Variants in VEPH1 observed in about 807,000 individuals in gnomAD.
The protein encoded by VEPH1 is ventricular zone expressed PH domain containing 1, also known as ventricular zone-expressed PH domain-containing protein homolog 1.
VEPH1 carries 80 observed loss-of-function variants against 85.2 expected under a neutral mutation model. That is an observed-to-expected ratio of 0.94 (90% CI 0.78 to 1.13). The LOEUF (loss-of-function observed/expected upper bound fraction) is 1.13, where lower values mean the gene tolerates loss of function less well. Ranked by LOEUF, VEPH1 falls within the 50% of genes most tolerant of loss-of-function variation. The pLI is 0.00. For missense variants in VEPH1, 955 were observed against 980.5 expected (o/e 0.97, Z 0.35); for synonymous variants, 297 against 348.0 (o/e 0.85, Z 1.63).
intron 6 of VEPH1, among the ~76,000 whole-genome samples, chr3:157,390,584 T>C (rs940453888): frequency 2.0e-5 from 3 of 152,228 alleles, no homozygotes; most frequent in African/African-American, 7.2e-5. Flanking sequence ...CTCAGCCATT[T>C]GGAAATAGCA....
intron 9 of VEPH1, among the ~76,000 whole-genome samples, chr3:157,348,145 C>T (rs1724447785): frequency 6.6e-6 from 1 of 152,164 alleles, no homozygotes; most frequent in African/African-American, 2.4e-5. Flanking sequence ...GTGTGGCAAT[C>T]CCGTTCATGG....
At chr3:157,426,494 AT>A (rs1197541483) in intron 5 of VEPH1, among the ~76,000 whole-genome samples, 1 of 152,136 alleles carries the variant, frequency 6.6e-6, no homozygotes, top group Non-Finnish European at 1.5e-5. Context: ...ACCTCATCTG[AT>A]TTTTTCCCAT....
chr3:157,277,077 T>G (rs10936076), intron 12 of VEPH1, among the ~76,000 whole-genome samples: 95,105 of 151,798 alleles, frequency 0.63, 29,996 homozygotes, highest in Admixed American at 0.68. Flanking sequence ...TTTTCGTAGA[T>G]ATGGGGTTAT....
At chr3:157,303,845 C>G (rs1345544221) in intron 11 of VEPH1, among the ~76,000 whole-genome samples, 2 of 151,822 alleles carry the variant, frequency 1.3e-5, no homozygotes, top group African/African-American at 4.8e-5. Context: ...AGCCTGAAAG[C>G]CTAGAATCCT....
At chr3:157,422,100 G>A (rs1458109763) in intron 5 of VEPH1, among the ~76,000 whole-genome samples, 5 of 152,118 alleles carry the variant, frequency 3.3e-5, no homozygotes, top group African/African-American at 1.2e-4. Flanking sequence ...AGTGTGTTGA[G>A]GTCAAAAGAT....
intron 12 of VEPH1, among the ~76,000 whole-genome samples, chr3:157,283,066 C>T (rs6803886): frequency 0.23 from 35,490 of 152,102 alleles, 4,284 homozygotes; most frequent in Non-Finnish European, 0.27. Context: ...ATAATAAAGT[C>T]TCTGTTCTTC....
chr3:157,360,049 T>TA lies in VEPH1; in HGVS notation c.1735+3314dup, dbSNP rs200255654. On this transcript the variant is annotated intron_variant, in intron 9 of 13. Coordinates refer to ENST00000362010, the MANE Select transcript of VEPH1 (RefSeq NM_001167912.2). Reference sequence around the variant, plus strand: ...AAAGATCAAATATGTTGCATTTATATAAAAAACACATCAAACATAACACAA... The same window carrying TA: ...AAAGATCAAATATGTTGCATTTATATAAAAAAACACATCAAACATAACACAA... Among the ~76,000 whole-genome samples the TA allele has an allele frequency of 2.8e-3, 431 of 152,300 alleles. 5 individuals are homozygous for TA. In the East Asian group the frequency reaches 0.043, roughly 15 times the overall value.
chr3:157,293,742 G>A (rs1434507531), intron 11 of VEPH1, among the ~76,000 whole-genome samples: 4 of 152,126 alleles, frequency 2.6e-5, no homozygotes, highest in Admixed American at 6.5e-5. Context: ...AAATAAAGGT[G>A]GCAAATTGCA....
chr3:157,395,025 T>C (rs563099016), intron 6 of VEPH1, among the ~76,000 whole-genome samples: 1 of 152,282 alleles, frequency 6.6e-6, no homozygotes, highest in Admixed American at 6.5e-5. Flanking sequence ...CATTCTATTG[T>C]TCTCTCAAGC....
chr3:157,490,725 G>A (rs1304238670), intron 2 of VEPH1, among the ~76,000 whole-genome samples: 1 of 152,140 alleles, frequency 6.6e-6, no homozygotes, highest in Non-Finnish European at 1.5e-5. Context: ...TCACAAAGTT[G>A]CAAATACACA....
chr3:157,357,950 C>A (rs10513511), intron 9 of VEPH1, among the ~76,000 whole-genome samples: 7,298 of 152,192 alleles, frequency 0.048, 199 homozygotes, highest in South Asian at 0.11. Flanking sequence ...GTCATGGATG[C>A]AAGTAGGTGA....
intron 12 of VEPH1, among the ~76,000 whole-genome samples, chr3:157,272,765 T>A (rs1473368127): frequency 6.6e-6 from 1 of 152,144 alleles, no homozygotes; most frequent in Non-Finnish European, 1.5e-5. Context: ...GCCTAGCCCC[T>A]GGGTGTTTTT....
intron 5 of VEPH1, among the ~76,000 whole-genome samples, chr3:157,427,819 A>T (rs1339915644): frequency 6.6e-6 from 1 of 152,186 alleles, no homozygotes; most frequent in Non-Finnish European, 1.5e-5. Context: ...TTGATTAAAC[A>T]TTATTTCTGG....
At chr3:157,267,102 C>CTTTTTTTTTTTTTTTTTTTT (rs10537483) in intron 12 of VEPH1, among the ~76,000 whole-genome samples, 13 of 124,676 alleles carry the variant, frequency 1.0e-4, no homozygotes, top group Non-Finnish European at 1.5e-4. Flanking sequence ...TCTTTTTTTT[C>CTTTTTTTTTTTTTTTTTTTT]TTTTTTTTTT....
chr3:157,299,487 G>A (rs1342706182), intron 11 of VEPH1, among the ~76,000 whole-genome samples: 3 of 150,614 alleles, frequency 2.0e-5, no homozygotes, highest in African/African-American at 7.4e-5. Flanking sequence ...TTGAGCCTGG[G>A]AGGTCGAGGC....
chr3:157,364,598 C>CTT (rs1046103773), intron 7 of VEPH1, 86 bp from the exon 8 acceptor site: 77 of 1,285,838 alleles, frequency 6.0e-5, no homozygotes, highest in Middle Eastern at 5.4e-4. Flanking sequence ...GCCTCTCACT[C>CTT]AGAAGCAAAA....
intron 6 of VEPH1, among the ~76,000 whole-genome samples, chr3:157,389,180 A>G (rs953666532): frequency 3.9e-5 from 6 of 152,184 alleles, no homozygotes; most frequent in African/African-American, 1.4e-4. Context: ...ATTTGAACCC[A>G]TGGCCAACAG....
Position 157,327,959 on chromosome 3 carries a change from C to A in VEPH1, c.1736-10758G>T, listed in dbSNP as rs75587886. On this transcript the variant is annotated intron_variant, in intron 9 of 13. Coordinates refer to ENST00000362010, the MANE Select transcript of VEPH1 (RefSeq NM_001167912.2). ...CTGATCCCTTATCCAAAGTTCAATT[C>A]TTCTCCAAGGTGGTGGTTAGGAACA... Among the ~76,000 whole-genome samples, 1,054 of 152,296 alleles carry A rather than the reference C, an allele frequency of 6.9e-3. 19 individuals are homozygous for A. The highest frequency in any genetic ancestry group is 0.024 in the African/African-American group (995 of 41,562).
chr3:157,426,992 CTT>C (rs560739865), intron 5 of VEPH1, among the ~76,000 whole-genome samples: 4 of 144,336 alleles, frequency 2.8e-5, no homozygotes. Flanking sequence ...TTTTTCTTTT[CTT>C]TTTTTTTTTT....
Sources: allele counts gnomAD v4.1 joint callset (sites outside exome capture counted in the v4.1 genomes callset), GRCh38; gene constraint gnomAD v4.1.1; transcripts MANE v1.5; gene names NCBI Gene and HGNC (gene_info 2026-07-23, HGNC 2026-07-21).